EPHA3: variants seen among roughly 807,000 people sequenced by gnomAD.
EPHA3 encodes ephrin type-A receptor 3.
EPHA3 carries 42 observed loss-of-function variants against 107.1 expected under a neutral mutation model. That is an observed-to-expected ratio of 0.39 (90% CI 0.31 to 0.51). The LOEUF is 0.51. EPHA3 is among the 20% of genes least tolerant of loss of function. EPHA3 has a pLI of 0.78. For synonymous variants in EPHA3, 461 were observed against 424.8 expected (o/e 1.09, Z -1.05); for missense variants, 1,183 against 1,211.2 (o/e 0.98, Z 0.35).
chr3:89,451,580 A>T (rs1233371148), intron 15 of EPHA3, among the ~76,000 whole-genome samples: 1 of 152,140 alleles, frequency 6.6e-6, no homozygotes. Flanking sequence ...AGCATTTCAG[A>T]CCTATTTGGG....
intron 3 of EPHA3, among the ~76,000 whole-genome samples, chr3:89,325,859 T>C (rs1034269900): frequency 2.0e-5 from 3 of 151,658 alleles, no homozygotes; most frequent in Non-Finnish European, 4.4e-5. Flanking sequence ...TTAGTAAATG[T>C]AACTCATATT....
chr3:89,228,053 GA>G (rs1430908067), intron 3 of EPHA3, among the ~76,000 whole-genome samples: 1 of 151,970 alleles, frequency 6.6e-6, no homozygotes, highest in Admixed American at 6.6e-5. Context: ...TGGCATGTGT[GA>G]TAACATTGCA....
At chr3:89,270,232 G>T (rs34922683) in intron 3 of EPHA3, among the ~76,000 whole-genome samples, 36,674 of 151,968 alleles carry the variant, frequency 0.24, 4,859 homozygotes, top group African/African-American at 0.37. Flanking sequence ...CTGATATCAT[G>T]TTATTATTTT....
intron 2 of EPHA3, among the ~76,000 whole-genome samples, chr3:89,207,028 A>C (rs1477391338): frequency 6.6e-6 from 1 of 152,158 alleles, no homozygotes; most frequent in Non-Finnish European, 1.5e-5. Flanking sequence ...AGGTTTTTAA[A>C]ATAAATAGTG....
chr3:89,257,081 T>C (rs923821111), intron 3 of EPHA3, among the ~76,000 whole-genome samples: 4 of 152,210 alleles, frequency 2.6e-5, no homozygotes, highest in African/African-American at 9.6e-5. Context: ...TTTCACCATG[T>C]TTGAACAACT....
At chr3:89,229,044 C>T (rs1704566496) in intron 3 of EPHA3, among the ~76,000 whole-genome samples, 1 of 151,944 alleles carries the variant, frequency 6.6e-6, no homozygotes, top group South Asian at 2.1e-4. Context: ...ATTTCTCTTT[C>T]CCTATTTTCT....
At position 89,380,564 on chromosome 3, in the gene EPHA3, A is replaced by G. The variant is rs1274064971; in HGVS notation, c.1307-15273A>G. On this transcript the variant is annotated intron_variant, in intron 5 of 16. Transcript: ENST00000336596. ...AAGGAGCCAGCCAAGACTAAACAAC[A>G]TTGTTTATTTTGGGCCTCAACAGTA... Among the ~76,000 whole-genome samples, 4 of 152,270 alleles carry G rather than the reference A, an allele frequency of 2.6e-5. No homozygotes were observed. In the South Asian group the frequency reaches 8.3e-4, roughly 32 times the overall value.
chr3:89,122,360 G>T (rs1489047546), intron 1 of EPHA3, among the ~76,000 whole-genome samples: 1 of 152,074 alleles, frequency 6.6e-6, no homozygotes, highest in East Asian at 1.9e-4. Context: ...ATAACTGAAG[G>T]TTTTACTAGA....
intron 2 of EPHA3, among the ~76,000 whole-genome samples, chr3:89,190,365 T>G (rs7634711): frequency 0.14 from 21,565 of 152,176 alleles, 1,650 homozygotes; most frequent in African/African-American, 0.21. Context: ...GAATCAGTCA[T>G]TTCAGAGAAC....
chr3:89,244,659 G>T (rs1323901136), intron 3 of EPHA3, among the ~76,000 whole-genome samples: 2 of 152,122 alleles, frequency 1.3e-5, no homozygotes, highest in Non-Finnish European at 2.9e-5. Context: ...TTTTAAATTA[G>T]CTCTACTTCC....
intron 3 of EPHA3, among the ~76,000 whole-genome samples, chr3:89,213,915 A>G (rs1297238923): frequency 6.6e-6 from 1 of 152,016 alleles, no homozygotes; most frequent in Non-Finnish European, 1.5e-5. Flanking sequence ...TAGCAGTTAT[A>G]CATCCATTGT....
chr3:89,413,624 C>T (rs1008525441), intron 10 of EPHA3, among the ~76,000 whole-genome samples: 10 of 151,640 alleles, frequency 6.6e-5, no homozygotes, highest in African/African-American at 2.4e-4. Flanking sequence ...TTTTCATTTT[C>T]AATTTTAGAA....
intron 16 of EPHA3, among the ~76,000 whole-genome samples, chr3:89,475,399 G>T (rs770493310): frequency 2.6e-5 from 4 of 152,078 alleles, no homozygotes; most frequent in Non-Finnish European, 4.4e-5. Context: ...TCCTATTCAG[G>T]CTGTCAAAGT....
chr3:89,213,218 GT>G (rs1704147792), intron 3 of EPHA3, among the ~76,000 whole-genome samples: 1 of 151,914 alleles, frequency 6.6e-6, no homozygotes, highest in Non-Finnish European at 1.5e-5. Context: ...CTTTCTAGTT[GT>G]TTTTTGCCTG....
At chr3:89,332,688 C>T (rs1222221268) in intron 3 of EPHA3, among the ~76,000 whole-genome samples, 2 of 152,108 alleles carry the variant, frequency 1.3e-5, no homozygotes, top group Non-Finnish European at 2.9e-5. Context: ...GGCAAATAGA[C>T]CCTGTCAGGC....
At chr3:89,279,744 T>A (rs772842439) in intron 3 of EPHA3, among the ~76,000 whole-genome samples, 3 of 152,196 alleles carry the variant, frequency 2.0e-5, no homozygotes, top group Non-Finnish European at 2.9e-5. Context: ...TACTAATTTA[T>A]CTTCTCATTA....
rs182509403 is a variant in EPHA3 at position 89,481,128 on chromosome 3, G to A, written c.*1626G>A. On this transcript the variant is annotated 3_prime_UTR_variant, in exon 17 of 17. Coordinates refer to ENST00000336596, the MANE Select transcript of EPHA3 (RefSeq NM_005233.6). Reference sequence around the variant, plus strand: ...AAGAAATGCATATGTCACTAGAATGGATAAAATAATGCTGCAAACTTAATG... The same window carrying A: ...AAGAAATGCATATGTCACTAGAATGAATAAAATAATGCTGCAAACTTAATG... The A allele has an allele frequency of 2.6e-5, 6 of 232,116 alleles. No individual in the cohort carries two copies. The Admixed American group carries it at 2.8e-4, about 11-fold the overall frequency. 14.4% of individuals were successfully genotyped at this position (232,116 alleles called of 1,614,324 possible).
At chr3:89,299,374 A>T (rs1706432124) in intron 3 of EPHA3, among the ~76,000 whole-genome samples, 1 of 152,056 alleles carries the variant, frequency 6.6e-6, no homozygotes, top group Admixed American at 6.6e-5. Context: ...GAATGAGAAT[A>T]TGGGAAATTT....
chr3:89,313,078 T>C (rs544980330), intron 3 of EPHA3, among the ~76,000 whole-genome samples: 7 of 152,160 alleles, frequency 4.6e-5, no homozygotes, highest in African/African-American at 1.7e-4. Context: ...TAATATTATT[T>C]GTATTCCTTT....
Sources: gnomAD v4.1 joint callset for allele counts (sites outside exome capture counted in the v4.1 genomes callset) on GRCh38, gnomAD v4.1.1 for gene constraint, MANE v1.5 for transcripts, NCBI Gene and HGNC (gene_info 2026-07-23, HGNC 2026-07-21) for gene names.